Variants in PCDH15 observed in about 807,000 individuals in gnomAD.
The protein encoded by PCDH15 is protocadherin related 15.
In PCDH15, 129 loss-of-function variants were observed where a neutral mutation model predicts 178.5. The ratio of observed to expected loss-of-function variants is 0.72; its 90% CI spans 0.63 to 0.84. PCDH15 has a LOEUF of 0.84. Among genes scored for constraint, PCDH15 ranks in the 40% least tolerant of loss-of-function variants. PCDH15 has a pLI of 0.00. For missense variants in PCDH15, 2,230 were observed against 2,099.9 expected (o/e 1.06, Z -1.21); for synonymous variants, 800 against 732.0 (o/e 1.09, Z -1.50).
At chr10:55,379,534 C>T (rs1327670639) in intron 2 of PCDH15, among the ~76,000 whole-genome samples, 5 of 151,374 alleles carry the variant, frequency 3.3e-5, no homozygotes, top group Non-Finnish European at 7.4e-5. Context: ...ATATCTATTC[C>T]CTTTAAAAAC....
intron 2 of PCDH15, among the ~76,000 whole-genome samples, chr10:54,971,530 G>A (rs1000594776): frequency 1.3e-5 from 2 of 152,144 alleles, no homozygotes; most frequent in Non-Finnish European, 2.9e-5. Context: ...GTATTTTGTT[G>A]TAGCAGCATA....
intron 8 of PCDH15, among the ~76,000 whole-genome samples, chr10:54,304,048 G>A (rs1182628473): frequency 6.6e-6 from 1 of 151,954 alleles, no homozygotes; most frequent in Non-Finnish European, 1.5e-5. Flanking sequence ...GAGGTTTTTG[G>A]ATGTTTATTA....
intron 1 of PCDH15, among the ~76,000 whole-genome samples, chr10:55,277,498 C>T (rs1334268616): frequency 6.6e-6 from 1 of 152,010 alleles, no homozygotes; most frequent in Non-Finnish European, 1.5e-5. Context: ...TGGATTCATT[C>T]TGAAATATAT....
At chr10:55,197,746 T>TTTAA (rs1564884177) in intron 1 of PCDH15, among the ~76,000 whole-genome samples, 4 of 152,122 alleles carry the variant, frequency 2.6e-5, no homozygotes, top group Non-Finnish European at 5.9e-5. Flanking sequence ...ATTATCTTCT[T>TTTAA]GAAATGATAT....
At chr10:54,206,900 G>A (rs2134034281) in intron 10 of PCDH15, among the ~76,000 whole-genome samples, 1 of 152,202 alleles carries the variant, frequency 6.6e-6, no homozygotes, top group Non-Finnish European at 1.5e-5. Context: ...AGAGTGGGGA[G>A]ACGTGACAAG....
At chr10:55,098,668 A>G (rs981626963) in intron 2 of PCDH15, among the ~76,000 whole-genome samples, 1 of 152,040 alleles carries the variant, frequency 6.6e-6, no homozygotes, top group African/African-American at 2.4e-5. Flanking sequence ...TGGGGTGACC[A>G]GCCTTCCCCG....
At chr10:54,524,250 T>G (rs2083163196) in intron 3 of PCDH15, among the ~76,000 whole-genome samples, 1 of 152,224 alleles carries the variant, frequency 6.6e-6, no homozygotes, top group African/African-American at 2.4e-5. Context: ...CAATATATTT[T>G]AAACTTTAAA....
rs375965861 is a variant in PCDH15, at chr10:53,995,658, T to G, written c.2859A>C (p.Ala953=). 4 of 1,613,958 alleles carry G rather than the reference T, an allele frequency of 2.5e-6. No homozygotes were observed. Among genetic ancestry groups the G allele is most frequent in the Non-Finnish European group, 3.4e-6 (4 of 1,179,830 alleles). The change falls in exon 21 of 38, where the codon GCA becomes GCC. Residue 953 remains alanine (A), a synonymous_variant. Transcript: ENST00000644397. The part of the protein sequence containing the change: ...TPITTVYAED[A]DPPGLPASRV... Reference sequence around the variant, plus strand: ...AATGCCTTCTACTTACAGGAGGGTCTGCATCTTCAGCATAAACTGTTGTGA... The same window carrying G: ...AATGCCTTCTACTTACAGGAGGGTCGGCATCTTCAGCATAAACTGTTGTGA...
chr10:54,895,609 C>G (rs1954531877), intron 3 of PCDH15, among the ~76,000 whole-genome samples: 1 of 152,042 alleles, frequency 6.6e-6, no homozygotes, highest in Admixed American at 6.6e-5. Flanking sequence ...TATATGATGC[C>G]AACTAATAAT....
At chr10:54,104,869 A>G (rs1170235110) in intron 15 of PCDH15, among the ~76,000 whole-genome samples, 2 of 133,936 alleles carry the variant, frequency 1.5e-5, no homozygotes, top group Non-Finnish European at 3.3e-5. Context: ...AAAAAAAAAA[A>G]GAATCCCTGA....
At chr10:54,813,458 A>C (rs1160369199) in intron 3 of PCDH15, among the ~76,000 whole-genome samples, 1 of 152,222 alleles carries the variant, frequency 6.6e-6, no homozygotes, top group Non-Finnish European at 1.5e-5. Context: ...CCCTCTCTGC[A>C]AAAGATACCC....
chr10:54,114,012 G>T (rs989220640), intron 15 of PCDH15, among the ~76,000 whole-genome samples: 4 of 152,038 alleles, frequency 2.6e-5, no homozygotes, highest in Non-Finnish European at 5.9e-5. Flanking sequence ...CATGAGAATG[G>T]CATAGGAAAA....
chr10:55,075,366 A>AT (rs34779284), intron 2 of PCDH15, among the ~76,000 whole-genome samples: 46,744 of 132,182 alleles, frequency 0.35, 8,944 homozygotes, highest in East Asian at 0.59. Flanking sequence ...TTTTGTTTAA[A>AT]TTTTTTTTTT....
intron 16 of PCDH15, among the ~76,000 whole-genome samples, chr10:54,085,267 T>C (rs1565217628): frequency 6.6e-6 from 1 of 151,990 alleles, no homozygotes; most frequent in Non-Finnish European, 1.5e-5. Flanking sequence ...AAGAAAAAAT[T>C]AAAATGCAAG....
rs1010575394 is a variant in PCDH15, at chr10:54,038,784, GTTT to G, written c.2221-15590_2221-15588del. Among the ~76,000 whole-genome samples the G allele has an allele frequency of 7.9e-5, 12 of 151,974 alleles. 1 individual carries two copies. Among genetic ancestry groups the G allele is most frequent in the Admixed American group, 7.9e-4 (12 of 15,234 alleles). ...CATAACAAGCCTCTATCTTGGATTGGTTTTTTTCTTAGAGTATAAAATCCTTGC... is the reference window on the plus strand; with the variant it reads ...CATAACAAGCCTCTATCTTGGATTGGTTTTCTTAGAGTATAAAATCCTTGC... On this transcript the variant is annotated intron_variant, in intron 18 of 37. Coordinates refer to ENST00000644397, the MANE Select transcript of PCDH15 (RefSeq NM_001384140.1).
intron 3 of PCDH15, among the ~76,000 whole-genome samples, chr10:54,491,958 T>C (rs2079637868): frequency 6.6e-6 from 1 of 152,180 alleles, no homozygotes; most frequent in African/African-American, 2.4e-5. Context: ...GCACCCACGG[T>C]GATCCAAACT....
chr10:55,257,767 G>A (rs1464697913), intron 1 of PCDH15, among the ~76,000 whole-genome samples: 5 of 151,940 alleles, frequency 3.3e-5, no homozygotes, highest in South Asian at 2.1e-4. Context: ...TGAAAGTGAT[G>A]GGGAGAATGG....
chr10:54,547,945 T>C (rs1180746207), intron 2 of PCDH15, among the ~76,000 whole-genome samples: 3 of 151,766 alleles, frequency 2.0e-5, no homozygotes, highest in Non-Finnish European at 4.4e-5. Context: ...TAAGATTTGA[T>C]ATGATATTAA....
chr10:55,599,510 C>G (rs1018854043), intron 2 of PCDH15: 1 of 152,790 alleles, frequency 6.5e-6, no homozygotes, highest in East Asian at 1.9e-4. Flanking sequence ...TTTCTAATCA[C>G]CCTGTTAAAC....
Sources: gnomAD v4.1 joint callset for allele counts (sites outside exome capture counted in the v4.1 genomes callset) on GRCh38, gnomAD v4.1.1 for gene constraint, MANE v1.5 for transcripts, NCBI Gene and HGNC (gene_info 2026-07-23, HGNC 2026-07-21) for gene names.